Variants in SHISAL2B observed in about 807,000 individuals in gnomAD.
SHISAL2B encodes the protein shisa like 2B.
Under a neutral mutation model 16.5 loss-of-function variants are expected in SHISAL2B, and 12 were observed. The observed-to-expected ratio is 0.73, with a 90% CI of 0.47 to 1.18. The LOEUF (loss-of-function observed/expected upper bound fraction) is 1.18. SHISAL2B is among the 50% of genes most tolerant of loss of function. SHISAL2B has a pLI of 0.00. For missense variants in SHISAL2B, 183 were observed against 193.6 expected (o/e 0.95, Z 0.33); for synonymous variants, 72 against 75.0 (o/e 0.96, Z 0.21).
chr5:64,691,139 C>T (rs1741644372), intron 1 of SHISAL2B: 1 of 299,274 alleles, frequency 3.3e-6, no homozygotes, highest in Non-Finnish European at 6.2e-6. Flanking sequence ...GACTGCTCTC[C>T]CCTCGCCGGG....
At chr5:64,717,559 C>CGCATAA (rs946325040) in intron 2 of SHISAL2B, among the ~76,000 whole-genome samples, 2 of 152,096 alleles carry the variant, frequency 1.3e-5, no homozygotes, top group African/African-American at 4.8e-5. Flanking sequence ...GTAGTTTATG[C>CGCATAA]ATAGGAGAGG....
intron 2 of SHISAL2B, among the ~76,000 whole-genome samples, chr5:64,714,745 C>T (rs1442172952): frequency 2.6e-5 from 4 of 152,104 alleles, no homozygotes; most frequent in East Asian, 1.9e-4. Flanking sequence ...TCTCGTGGTG[C>T]GCTGTTTTTT....
intron 2 of SHISAL2B, among the ~76,000 whole-genome samples, chr5:64,708,287 TA>T (rs1741901960): frequency 1.3e-5 from 2 of 152,118 alleles, no homozygotes; most frequent in South Asian, 4.1e-4. Context: ...TTCTGGGGAC[TA>T]ATAGCAAAAA....
rs1359624034 is a variant in SHISAL2B, at chr5:64,718,076, A to C, written c.*54A>C. The C allele has an allele frequency of 2.8e-6, 4 of 1,409,952 alleles. No individual in the cohort carries two copies. In the African/African-American group the frequency reaches 4.5e-5, roughly 16 times the overall value. The allele number at this position is 1,409,952 out of a possible 1,614,324, so 87.3% of individuals were successfully genotyped here. A position where few individuals can be genotyped will look rare whatever the true frequency, so the allele number is the denominator to read the frequency against. On this transcript the variant is annotated 3_prime_UTR_variant, in exon 3 of 3. Transcript: ENST00000389074. ...TGGAGAGATGGGACAATAAAAATAA[A>C]GCGTGCACTTGAAACGGTTTGTAAT...
chr5:64,696,925 G>A (rs773760513), intron 2 of SHISAL2B, among the ~76,000 whole-genome samples: 10 of 152,002 alleles, frequency 6.6e-5, no homozygotes, highest in South Asian at 2.1e-4. Context: ...GCCCTTTGAC[G>A]CTTGTGATCT....
At chr5:64,703,118 A>G (rs1408349917) in intron 2 of SHISAL2B, among the ~76,000 whole-genome samples, 3 of 152,262 alleles carry the variant, frequency 2.0e-5, no homozygotes, top group Non-Finnish European at 4.4e-5. Flanking sequence ...TTAAAAAGAC[A>G]AATGGTATTT....
At chr5:64,717,347 C>G (rs990716279) in intron 2 of SHISAL2B, among the ~76,000 whole-genome samples, 1 of 152,056 alleles carries the variant, frequency 6.6e-6, no homozygotes, top group Non-Finnish European at 1.5e-5. Flanking sequence ...TTGAATAATC[C>G]ATTTCTTTGC....
intron 2 of SHISAL2B, among the ~76,000 whole-genome samples, chr5:64,699,419 G>C (rs939571883): frequency 6.6e-6 from 1 of 152,182 alleles, no homozygotes; most frequent in Non-Finnish European, 1.5e-5. Context: ...TGTACCCTTC[G>C]TTAAATATGC....
chr5:64,708,458 C>A (rs1741903610), intron 2 of SHISAL2B, among the ~76,000 whole-genome samples: 3 of 152,014 alleles, frequency 2.0e-5, no homozygotes, highest in Admixed American at 2.0e-4. Flanking sequence ...AGGTGAAAAC[C>A]TTTATTCTTT....
At chr5:64,709,030 TTC>T (rs1220346301) in intron 2 of SHISAL2B, among the ~76,000 whole-genome samples, 3 of 151,850 alleles carry the variant, frequency 2.0e-5, no homozygotes, top group Non-Finnish European at 4.4e-5. Context: ...TGAGACATCT[TTC>T]TTTTTTTTTT....
At chr5:64,714,536 G>A (rs1029790870) in intron 2 of SHISAL2B, among the ~76,000 whole-genome samples, 1 of 151,984 alleles carries the variant, frequency 6.6e-6, no homozygotes, top group South Asian at 2.1e-4. Flanking sequence ...TACAGAGGCA[G>A]GCAGGCCTCC....
chr5:64,695,411 T>G (rs1223995365), intron 1 of SHISAL2B, 96 bp from the exon 2 acceptor site: 10 of 826,500 alleles, frequency 1.2e-5, no homozygotes, highest in African/African-American at 1.7e-5. Context: ...TATGAATAAC[T>G]GAAAACAAGA....
intron 2 of SHISAL2B, among the ~76,000 whole-genome samples, chr5:64,706,410 G>A (rs1433786646): frequency 1.3e-5 from 2 of 152,168 alleles, no homozygotes; most frequent in Non-Finnish European, 2.9e-5. Context: ...TAGAATGGGA[G>A]GCAGGTTTGC....
intron 1 of SHISAL2B, chr5:64,691,205 A>C: frequency 5.0e-6 from 1 of 200,928 alleles, no homozygotes; most frequent in Non-Finnish European, 9.9e-6. Flanking sequence ...AAGATAACCC[A>C]AGGGGAAGGT....
intron 2 of SHISAL2B, among the ~76,000 whole-genome samples, chr5:64,704,010 C>T (rs1204129775): frequency 6.6e-6 from 1 of 152,082 alleles, no homozygotes; most frequent in Non-Finnish European, 1.5e-5. Flanking sequence ...AGGGTAAAAA[C>T]TTGAGATTGC....
chr5:64,706,358 AT>A (rs1370727539), intron 2 of SHISAL2B, among the ~76,000 whole-genome samples: 1 of 152,218 alleles, frequency 6.6e-6, no homozygotes, highest in Non-Finnish European at 1.5e-5. Flanking sequence ...GCAATCAGAT[AT>A]GCATTTGTCT....
rs139047224 is a variant in SHISAL2B at position 64,699,394 on chromosome 5, A to G, written c.349+3730A>G. ...TATTTGAAAGTGAGCCTTTGATGTG[A>G]TATTTAAACATTGCTGTACCCTTCG... On this transcript the variant is annotated intron_variant, in intron 2 of 2. Transcript: ENST00000389074. 8.9e-3 allele frequency among the ~76,000 whole-genome samples: 1,354 copies of G among 152,326 alleles called. 11 individuals carry two copies. The highest frequency in any genetic ancestry group is 0.014 in the Non-Finnish European group (959 of 68,030).
In SHISAL2B at chr5:64,690,730, G is replaced by A. The variant is rs1011331385; in HGVS notation, c.107G>A (p.Cys36Tyr). 7.5e-5 allele frequency: 115 copies of A among 1,537,666 alleles called. No homozygotes were observed. Among genetic ancestry groups the A allele is most frequent in the Non-Finnish European group, 9.4e-5 (108 of 1,147,988 alleles). ...RRGEGAALQYCCGFADLKYCC... is the reference protein window; with the variant it reads ...RRGEGAALQYYCGFADLKYCC... ...GGCGAGGGGGCAGCGCTCCAGTATT[G>A]CTGCGGCTTCGCCGACCTCAAGTAC... The change falls in exon 1 of 3, where the codon TGC becomes TAC. Residue 36 changes from cysteine to tyrosine, a missense_variant. By Grantham distance (194) the Cys-to-Tyr change is radical (BLOSUM62 -2). Transcript: ENST00000389074.
At chr5:64,700,277 T>C (rs904821993) in intron 2 of SHISAL2B, among the ~76,000 whole-genome samples, 1 of 152,182 alleles carries the variant, frequency 6.6e-6, no homozygotes, top group Non-Finnish European at 1.5e-5. Flanking sequence ...CTTAAATGTA[T>C]ACAGTTGTCC....
Sources: allele counts gnomAD v4.1 joint callset (sites outside exome capture counted in the v4.1 genomes callset), GRCh38; gene constraint gnomAD v4.1.1; transcripts MANE v1.5; gene names NCBI Gene and HGNC (gene_info 2026-07-23, HGNC 2026-07-21).